ZNF454: variants seen among roughly 807,000 people sequenced by gnomAD.
The protein encoded by ZNF454 is zinc finger protein 454.
Under a neutral mutation model 48.2 loss-of-function variants are expected in ZNF454, and 30 were observed. The observed-to-expected ratio is 0.62, with a 90% CI of 0.47 to 0.84. The LOEUF (loss-of-function observed/expected upper bound fraction) is 0.84. ZNF454 is among the 40% of genes least tolerant of loss of function. The probability of loss-of-function intolerance (pLI) is 0.00; values close to 1 mark genes in which losing one functional copy is unlikely to be tolerated. For synonymous variants in ZNF454, 204 were observed against 211.4 expected (o/e 0.97, Z 0.30); for missense variants, 510 against 623.1 (o/e 0.82, Z 1.93).
downstream of ZNF454, chr5:178,968,898 C>T (rs533636303): frequency 1.5e-5 from 7 of 456,550 alleles, no homozygotes; most frequent in Non-Finnish European, 2.6e-5. Context: ...CAGGAACTAG[C>T]GTCAGCGGCA....
the ZNF454 span, chr5:178,985,705 A>AAAG: frequency 1.2e-5 from 5 of 413,524 alleles, no homozygotes; most frequent in South Asian, 9.0e-5. Context: ...TCTGTCTAAA[A>AAAG]AAAAAAAAAC....
chr5:178,943,348 G>A (rs779915799), intron 2 of ZNF454, among the ~76,000 whole-genome samples: 2 of 152,096 alleles, frequency 1.3e-5, no homozygotes, highest in African/African-American at 4.8e-5. Flanking sequence ...AGAAGTGGGA[G>A]GTCCTAGACT....
chr5:178,986,082 CG>C, the ZNF454 span: 2 of 1,563,456 alleles, frequency 1.3e-6, no homozygotes, highest in Non-Finnish European at 1.7e-6. Flanking sequence ...TGTAACGTTG[CG>C]GACAGTCCCC....
downstream of ZNF454, among the ~76,000 whole-genome samples, chr5:178,966,830 ATC>A (rs1760170467): frequency 6.6e-6 from 1 of 152,066 alleles, no homozygotes; most frequent in Non-Finnish European, 1.5e-5. Context: ...CCATTGTCAG[ATC>A]TCTCTGGTCT....
chr5:178,944,406 C>T lies in ZNF454; in HGVS notation c.33+1582C>T, dbSNP rs953469613. Among the ~76,000 whole-genome samples the T allele has an allele frequency of 9.2e-5, 14 of 152,200 alleles. No individual in the cohort carries two copies. Among genetic ancestry groups the T allele is most frequent in the African/African-American group, 3.4e-4 (14 of 41,434 alleles). ...ATACAATTTATCTTGTGTTTATAGG[C>T]TGCCTTGATTTGGTTGCCATTCAGC... is the stretch of plus-strand genomic sequence containing the variant. On this transcript the variant is annotated intron_variant, in intron 2 of 4. Coordinates refer to ENST00000519564, the MANE Select transcript of ZNF454 (RefSeq NM_001178089.3). The surrounding 1 kb of genome is among the most constrained non-coding windows in gnomAD (Gnocchi z 4.1).
the ZNF454 span, chr5:178,985,890 T>C: frequency 1.8e-6 from 1 of 566,526 alleles, no homozygotes; most frequent in East Asian, 3.1e-5. Flanking sequence ...GCCTCCCAAG[T>C]AGCTAGGACT....
In ZNF454 at chr5:178,964,964, T is replaced by G; in HGVS notation, c.560T>G (p.Phe187Cys). 6.2e-7 allele frequency: 1 copy of G among 1,614,184 alleles called. No individual in the cohort carries two copies. The highest frequency in any genetic ancestry group is 8.5e-7 in the Non-Finnish European group (1 of 1,180,038). The change falls in exon 5 of 5, where the codon TTC becomes TGC. Residue 187 changes from phenylalanine to cysteine, a missense_variant. Around this residue, in one of 3 missense-constraint regions of ZNF454, gnomAD observed 354 missense variants for 408.9 expected, o/e 0.87. Transcript: ENST00000519564. ...AFECSECGKV[F>C]SKSSTLNKHQ... ...GAGTGTAGTGAGTGTGGAAAAGTCTTCTCTAAGAGTTCAACTCTTAATAAA... is the reference window on the plus strand; with the variant it reads ...GAGTGTAGTGAGTGTGGAAAAGTCTGCTCTAAGAGTTCAACTCTTAATAAA...
the ZNF454 span, chr5:178,985,717 A>C: frequency 3.3e-5 from 14 of 419,748 alleles, no homozygotes; most frequent in Middle Eastern, 3.7e-4. Flanking sequence ...AAAAAAAACA[A>C]AACAACACAG....
chr5:178,985,839 G>A, the ZNF454 span: 1 of 540,658 alleles, frequency 1.8e-6, no homozygotes, highest in Non-Finnish European at 3.4e-6. Flanking sequence ...TTGGCTCACA[G>A]CAACCTTCAA....
the ZNF454 span, chr5:178,983,419 G>T: frequency 1.4e-6 from 1 of 704,240 alleles, no homozygotes; most frequent in Non-Finnish European, 2.6e-6. Context: ...GCCCAAGAGG[G>T]GTCCGTCCAA....
In ZNF454 at chr5:178,964,790, A is replaced by G. The variant is rs1399412283; in HGVS notation, c.386A>G (p.Gln129Arg). 2 of 1,614,202 alleles carry G rather than the reference A, an allele frequency of 1.2e-6. No homozygotes were observed. The highest frequency in any genetic ancestry group is 4.5e-5 in the East Asian group (2 of 44,880). The change falls in exon 5 of 5, where the codon CAA (glutamine) becomes CGA (arginine). Residue 129 changes from glutamine (Q) to arginine (R), a missense_variant. Coordinates refer to ENST00000519564, the MANE Select transcript of ZNF454 (RefSeq NM_001178089.3). ...AAGTGTGCTAGCCTGCTGGAGTGGC[A>G]ATGTGGAGGCCAGGAGATCAGTTTG... ...HWKCASLLEW[Q>R]CGGQEISLQR...
intron 2 of ZNF454, among the ~76,000 whole-genome samples, chr5:178,945,552 T>C (rs1201090050): frequency 6.7e-6 from 1 of 149,202 alleles, no homozygotes; most frequent in African/African-American, 2.5e-5. Context: ...GGTCTGTGTT[T>C]GTATATAGGT....
At chr5:178,950,915 A>T (rs996959869) in intron 4 of ZNF454, among the ~76,000 whole-genome samples, 1 of 148,670 alleles carries the variant, frequency 6.7e-6, no homozygotes, top group African/African-American at 2.5e-5. Context: ...GCTGGAGTGC[A>T]GTGGCGTGAT....
chr5:178,986,505 G>T, the ZNF454 span: 1 of 1,609,636 alleles, frequency 6.2e-7, no homozygotes, highest in Non-Finnish European at 8.5e-7. Flanking sequence ...CTGCCCAGGG[G>T]GAGGACCAGC....
At chr5:178,986,010 C>G in the ZNF454 span, 1,384 of 913,254 alleles carry the variant, frequency 1.5e-3, 15 homozygotes, top group African/African-American at 0.02. Flanking sequence ...GATCCACCCA[C>G]CTCAGCCTCC....
intron 1 of ZNF454, 84 bp from the exon 2 acceptor site, chr5:178,942,600 AC>A: frequency 3.6e-6 from 2 of 557,418 alleles, no homozygotes; most frequent in Non-Finnish European, 6.4e-6. Flanking sequence ...TGCTTGGGGT[AC>A]TGGAGGCCTC....
the ZNF454 span, chr5:178,981,643 T>C: frequency 6.2e-7 from 1 of 1,605,388 alleles, no homozygotes; most frequent in African/African-American, 1.3e-5. This position sits in a 1 kb window ranked among gnomAD's most constrained non-coding sequence, Gnocchi z 5.1. Context: ...GCAGTCCCGT[T>C]CCCACCTGCC....
chr5:178,957,554 C>T (rs1352446056), intron 4 of ZNF454, among the ~76,000 whole-genome samples: 3 of 152,008 alleles, frequency 2.0e-5, no homozygotes, highest in East Asian at 1.9e-4. Context: ...GGACTACAGT[C>T]GCCTGCCACC....
At chr5:178,985,489 G>A in the ZNF454 span, 1,826 of 343,380 alleles carry the variant, frequency 5.3e-3, 8 homozygotes, top group Non-Finnish European at 6.9e-3. Context: ...GGATCACGAG[G>A]TCAGGAGATC....
Sources: allele counts gnomAD v4.1 joint callset (sites outside exome capture counted in the v4.1 genomes callset), GRCh38; gene constraint gnomAD v4.1.1; regional missense constraint gnomAD v4.1.1; non-coding constraint Gnocchi (gnomAD v3.1); transcripts MANE v1.5; gene names NCBI Gene and HGNC (gene_info 2026-07-23, HGNC 2026-07-21).